Variants in CASZ1 observed in about 807,000 individuals in gnomAD.
The protein encoded by CASZ1 is zinc finger protein castor homolog 1.
CASZ1 carries 28 observed loss-of-function variants against 135.2 expected under a neutral mutation model. The observed-to-expected ratio is 0.21, with a 90% CI of 0.15 to 0.28. The LOEUF is 0.28. Among genes scored for constraint, CASZ1 ranks in the 10% least tolerant of loss-of-function variants. The pLI, the probability that CASZ1 is intolerant of heterozygous loss-of-function variation, is 1.00. For synonymous variants in CASZ1, 1,068 were observed against 1,073.4 expected, an observed-to-expected ratio of 0.99 and a Z score of 0.10; for missense variants, 2,161 against 2,453.3, an observed-to-expected ratio of 0.88 and a Z score of 2.52.
chr1:10,678,116 C>A (rs1052992933), intron 4 of CASZ1, among the ~76,000 whole-genome samples: 5 of 152,190 alleles, frequency 3.3e-5, no homozygotes, highest in African/African-American at 9.7e-5. Flanking sequence ...TAGAGAGGCC[C>A]CGGACAGCAG....
In CASZ1 at chr1:10,756,390, C is replaced by G. The variant is rs534372339; in HGVS notation, c.-77+4311G>C. ...AGGTCTCCAGAGTGTTCCTGGAAGG[C>G]TGGGCTGGCCCATATGGCTGGGAAT... is the stretch of plus-strand genomic sequence containing the variant. On this transcript the variant is annotated intron_variant, in intron 2 of 20. Transcript: ENST00000377022. This position sits in a 1 kb window ranked among gnomAD's most constrained non-coding sequence, Gnocchi z 5.9. Among the ~76,000 whole-genome samples, 1,001 of 152,358 alleles carry G rather than the reference C, an allele frequency of 6.6e-3. 7 individuals are homozygous for G. Among genetic ancestry groups the G allele is most frequent in the Non-Finnish European group, 0.011 (721 of 68,022 alleles).
At chr1:10,787,483 G>T (rs930897393) in intron 1 of CASZ1, among the ~76,000 whole-genome samples, 3 of 152,212 alleles carry the variant, frequency 2.0e-5, no homozygotes, top group African/African-American at 7.2e-5. Context: ...CCCTCACATA[G>T]CGAGCGGCAC....
Position 10,757,603 on chromosome 1 carries a change from C to T in CASZ1, c.-77+3098G>A, listed in dbSNP as rs1369388363. Among the ~76,000 whole-genome samples the T allele has an allele frequency of 1.3e-5, 2 of 152,190 alleles. No homozygotes were observed. Among genetic ancestry groups the T allele is most frequent in the African/African-American group, 4.8e-5 (2 of 41,440 alleles). On this transcript the variant is annotated intron_variant, in intron 2 of 20. Coordinates refer to ENST00000377022, the MANE Select transcript of CASZ1 (RefSeq NM_001079843.3). The surrounding 1 kb of genome is among the most constrained non-coding windows in gnomAD (Gnocchi z 4.6). ...AGGAGTTTGAGACCAGCCTGGCCAACATGGTGAAACCCCGTCTCTACTAAA... is the reference window on the plus strand; with the variant it reads ...AGGAGTTTGAGACCAGCCTGGCCAATATGGTGAAACCCCGTCTCTACTAAA...
intron 7 of CASZ1, 119 bp from the exon 8 acceptor site, chr1:10,656,855 A>G (rs1642816826): frequency 1.5e-6 from 1 of 674,500 alleles, no homozygotes; most frequent in Non-Finnish European, 2.6e-6. Flanking sequence ...GGGGAGGTGA[A>G]GTTGCAGAGG....
At position 10,777,558 on chromosome 1, in the gene CASZ1, C is replaced by T. The variant is rs182246; in HGVS notation, c.-233-16701G>A. Reference sequence around the variant, plus strand: ...GACGGAAGACCCCGTTAATTTTACTCTGCCCGGCTACTACAACGAGGGGGA... The same window carrying T: ...GACGGAAGACCCCGTTAATTTTACTTTGCCCGGCTACTACAACGAGGGGGA... On this transcript the variant is annotated intron_variant, in intron 1 of 20. Transcript: ENST00000377022. This position sits in a 1 kb window ranked among gnomAD's most constrained non-coding sequence, Gnocchi z 4.4. Among the ~76,000 whole-genome samples the T allele has an allele frequency of 6.6e-6, 1 of 152,172 alleles. No homozygotes were observed. Among genetic ancestry groups the T allele is most frequent in the African/African-American group, 2.4e-5 (1 of 41,434 alleles).
In CASZ1 at chr1:10,702,932, G is replaced by C. The variant is rs1012416267; in HGVS notation, c.-24+2560C>G. 2.6e-5 allele frequency among the ~76,000 whole-genome samples: 4 copies of C among 151,558 alleles called. 1 individual carries two copies. The South Asian group carries it at 8.3e-4, about 32-fold the overall frequency. On this transcript the variant is annotated intron_variant, in intron 3 of 20. Transcript: ENST00000377022. ...ACAAGGAAGTAAAGTAAAGCCTTCC[G>C]AGTAGATGAAAAGGAGAGAGAGGGA...
At chr1:10,661,851 C>A (rs961415875) in intron 5 of CASZ1, among the ~76,000 whole-genome samples, 1 of 151,984 alleles carries the variant, frequency 6.6e-6, no homozygotes, top group Non-Finnish European at 1.5e-5. Context: ...CACACACATG[C>A]ATTCTCATAC....
At chr1:10,778,603 C>T (rs1332492342) in intron 1 of CASZ1, among the ~76,000 whole-genome samples, 1 of 152,184 alleles carries the variant, frequency 6.6e-6, no homozygotes, top group African/African-American at 2.4e-5. Context: ...CACCCATTCC[C>T]AACTCCCCTC....
At chr1:10,722,091 C>G (rs1013893808) in intron 2 of CASZ1, among the ~76,000 whole-genome samples, 1 of 152,214 alleles carries the variant, frequency 6.6e-6, no homozygotes, top group African/African-American at 2.4e-5. Context: ...CAGACACCTG[C>G]GTCTTGGCCC....
intron 4 of CASZ1, among the ~76,000 whole-genome samples, chr1:10,673,200 G>A (rs772685546): frequency 1.3e-5 from 2 of 152,150 alleles, no homozygotes; most frequent in Non-Finnish European, 2.9e-5. Context: ...AATAATTTAT[G>A]CAATTTTAAG....
At position 10,719,738 on chromosome 1, in the gene CASZ1, A is replaced by G. The variant is rs1366514019; in HGVS notation, c.-76-14194T>C. On this transcript the variant is annotated intron_variant, in intron 2 of 20. Coordinates refer to ENST00000377022, the MANE Select transcript of CASZ1 (RefSeq NM_001079843.3). This position sits in a 1 kb window ranked among gnomAD's most constrained non-coding sequence, Gnocchi z 4.0. ...ACAGTGAGAGAAGAGGCAGCAGGGT[A>G]TGGGAATAGAGGAATTGGGCACTTC... 6.6e-6 allele frequency among the ~76,000 whole-genome samples: 1 copy of G among 152,174 alleles called. No homozygotes were observed.
intron 8 of CASZ1, among the ~76,000 whole-genome samples, chr1:10,656,400 C>A (rs1301513655): frequency 1.3e-5 from 2 of 152,190 alleles, no homozygotes; most frequent in East Asian, 3.8e-4. Flanking sequence ...GGCTCTCAGT[C>A]AAAGGGGACT....
chr1:10,706,955 G>A lies in CASZ1; in HGVS notation c.-76-1411C>T, dbSNP rs1422707028. Among the ~76,000 whole-genome samples the A allele has an allele frequency of 6.6e-6, 1 of 152,130 alleles. No homozygotes were observed. The highest frequency in any genetic ancestry group is 1.9e-4 in the East Asian group (1 of 5,192). ...GGAAAAGAGAAGGAGCTGGCCAGGAGAGGAGAGGATGGAGGAGGAGGCCGG... is the reference window on the plus strand; with the variant it reads ...GGAAAAGAGAAGGAGCTGGCCAGGAAAGGAGAGGATGGAGGAGGAGGCCGG... On this transcript the variant is annotated intron_variant, in intron 2 of 20. Transcript: ENST00000377022. This position sits in a 1 kb window ranked among gnomAD's most constrained non-coding sequence, Gnocchi z 4.3.
chr1:10,662,752 C>T (rs1643092217), intron 5 of CASZ1, among the ~76,000 whole-genome samples: 2 of 152,134 alleles, frequency 1.3e-5, no homozygotes. Flanking sequence ...ACTCACACAC[C>T]TCACAGACTC....
In CASZ1 at chr1:10,689,394, A is replaced by G. The variant is rs1638694903; in HGVS notation, c.16+4480T>C. On this transcript the variant is annotated intron_variant, in intron 4 of 20. Transcript: ENST00000377022. ...TAAAAACCCAAGCTGCAGCTCAGCCAGATTCTGGGGCTGTGGGGGCTGGGG... is the reference window on the plus strand; with the variant it reads ...TAAAAACCCAAGCTGCAGCTCAGCCGGATTCTGGGGCTGTGGGGGCTGGGG... 2.0e-5 allele frequency among the ~76,000 whole-genome samples: 3 copies of G among 152,190 alleles called. No individual in the cohort carries two copies. The South Asian group carries it at 6.2e-4, about 32-fold the overall frequency.
chr1:10,698,189 G>A (rs1018955069), intron 3 of CASZ1, among the ~76,000 whole-genome samples: 2 of 152,232 alleles, frequency 1.3e-5, no homozygotes, highest in Non-Finnish European at 2.9e-5. Flanking sequence ...CCGCACGCTC[G>A]GCCCCGTAAT....
At position 10,660,212 on chromosome 1, in the gene CASZ1, C is replaced by T. The variant is rs749321125; in HGVS notation, c.830G>A (p.Arg277Gln). The change falls in exon 6 of 21, where the codon CGG becomes CAG. Residue 277 changes from arginine (R) to glutamine (Q), a missense_variant. Arg to Gln is a conservative substitution (Grantham distance 43). Transcript: ENST00000377022. ...CAGGTGGGCCGTGCTGCTGGGCAGC[C>T]GCAGGCCGGGCAGGGTGCCCACCAC... ...KEVVGTLPGLRLPSSTAHLET... is the reference protein window; with the variant it reads ...KEVVGTLPGLQLPSSTAHLET... 1.4e-5 allele frequency: 22 copies of T among 1,612,840 alleles called. 1 individual carries two copies. The highest frequency in any genetic ancestry group is 6.7e-5 in the Admixed American group (4 of 59,974).
At position 10,647,493 on chromosome 1, in the gene CASZ1, T is replaced by G; in HGVS notation, c.3497+308A>C. 7.8e-7 allele frequency: 1 copy of G among 1,276,230 alleles called. No homozygotes were observed. The highest frequency in any genetic ancestry group is 1.0e-6 in the Non-Finnish European group (1 of 1,002,468). The allele number at this position is 1,276,230 out of a possible 1,614,324, so 79.1% of individuals were successfully genotyped here. A position where few individuals can be genotyped will look rare whatever the true frequency, so the allele number is the denominator to read the frequency against. On this transcript the variant is annotated intron_variant, in intron 16 of 20. Transcript: ENST00000377022. The surrounding 1 kb of genome is among the most constrained non-coding windows in gnomAD (Gnocchi z 4.9). ...CAGCCCTCCTTGTCAGGCTGGGAGT[T>G]GTCCTCTGAGGACCACCACGCCCAG...
At chr1:10,770,113 C>T (rs1017040547) in intron 1 of CASZ1, among the ~76,000 whole-genome samples, 5 of 151,968 alleles carry the variant, frequency 3.3e-5, no homozygotes, top group Non-Finnish European at 5.9e-5. Context: ...GAGACAGGGC[C>T]TGGCTCTGTC....
Sources: allele counts gnomAD v4.1 joint callset (sites outside exome capture counted in the v4.1 genomes callset), GRCh38; gene constraint gnomAD v4.1.1; non-coding constraint Gnocchi (gnomAD v3.1); transcripts MANE v1.5; gene names NCBI Gene and HGNC (gene_info 2026-07-23, HGNC 2026-07-21).